Variants in LRP1B observed in about 807,000 individuals in gnomAD.
LRP1B encodes LDL receptor related protein 1B.
LRP1B carries 217 observed loss-of-function variants against 556.6 expected under a neutral mutation model. The ratio of observed to expected loss-of-function variants is 0.39; its 90% confidence interval spans 0.35 to 0.44. LRP1B has a LOEUF of 0.44. Ranked by LOEUF, LRP1B falls within the 20% of genes least tolerant of loss-of-function variation. The pLI, the probability that LRP1B is intolerant of heterozygous loss-of-function variation, is 1.00. For synonymous variants in LRP1B, 2,047 were observed against 1,865.8 expected, an observed-to-expected ratio of 1.10 and a Z score of -2.50; for missense variants, 5,053 against 5,620.8, an observed-to-expected ratio of 0.90 and a Z score of 3.23.
intron 2 of LRP1B, among the ~76,000 whole-genome samples, chr2:141,506,567 T>C (rs1177447583): frequency 1.3e-5 from 2 of 152,066 alleles, no homozygotes; most frequent in Non-Finnish European, 2.9e-5. Context: ...CACTGTTACA[T>C]TACGGGAAGA....
chr2:141,062,718 A>G (rs937657515), intron 7 of LRP1B, among the ~76,000 whole-genome samples: 12 of 151,770 alleles, frequency 7.9e-5, no homozygotes, highest in African/African-American at 2.4e-4. Flanking sequence ...GAGCTCAATG[A>G]CGCTATGAGT....
intron 7 of LRP1B, among the ~76,000 whole-genome samples, chr2:141,128,714 G>A (rs997966108): frequency 3.9e-5 from 6 of 152,162 alleles, no homozygotes; most frequent in African/African-American, 1.4e-4. Flanking sequence ...TCCACCTCCT[G>A]GGTTCAAGCA....
intron 41 of LRP1B, among the ~76,000 whole-genome samples, chr2:140,642,447 G>T (rs1365254866): frequency 6.6e-6 from 1 of 152,102 alleles, no homozygotes; most frequent in Non-Finnish European, 1.5e-5. Context: ...TGGGGTCCTG[G>T]TGTTCATATG....
chr2:141,795,373 T>C (rs1695768719), intron 2 of LRP1B, among the ~76,000 whole-genome samples: 1 of 152,086 alleles, frequency 6.6e-6, no homozygotes, highest in African/African-American at 2.4e-5. Context: ...ATGTTGTGTG[T>C]ACATGCATGT....
intron 17 of LRP1B, among the ~76,000 whole-genome samples, chr2:140,984,242 G>T (rs948410498): frequency 2.6e-5 from 4 of 151,850 alleles, no homozygotes; most frequent in African/African-American, 7.2e-5. Context: ...TTTAATAACA[G>T]AATTTTTTTC....
chr2:141,144,233 G>GATTTC (rs772438584), intron 7 of LRP1B, among the ~76,000 whole-genome samples: 2 of 152,132 alleles, frequency 1.3e-5, no homozygotes, highest in Non-Finnish European at 2.9e-5. Context: ...TTAGATGAAA[G>GATTTC]ATTTCATTTC....
chr2:140,775,029 C>T (rs897466282), intron 33 of LRP1B, among the ~76,000 whole-genome samples: 2 of 152,084 alleles, frequency 1.3e-5, no homozygotes, highest in Admixed American at 1.3e-4. Context: ...GCAATAAATA[C>T]TTCAGATAAA....
At chr2:141,403,447 T>C (rs1690519637) in intron 3 of LRP1B, among the ~76,000 whole-genome samples, 1 of 152,156 alleles carries the variant, frequency 6.6e-6, no homozygotes, top group African/African-American at 2.4e-5. Context: ...ATGTGAACTT[T>C]CTAACCATTC....
intron 66 of LRP1B, among the ~76,000 whole-genome samples, chr2:140,391,975 G>C (rs1270727479): frequency 6.6e-6 from 1 of 152,110 alleles, no homozygotes; most frequent in Non-Finnish European, 1.5e-5. Flanking sequence ...AGACTGTCTG[G>C]ATTCAAGTTG....
At chr2:141,212,133 T>C (rs1682580490) in intron 6 of LRP1B, among the ~76,000 whole-genome samples, 1 of 151,976 alleles carries the variant, frequency 6.6e-6, no homozygotes, top group African/African-American at 2.4e-5. Context: ...TTATAGAAGA[T>C]GTGCTTAGAA....
At chr2:141,997,856 C>G (rs1702543818) in intron 1 of LRP1B, among the ~76,000 whole-genome samples, 1 of 152,052 alleles carries the variant, frequency 6.6e-6, no homozygotes, top group Admixed American at 6.6e-5. Context: ...AAAACAGAGA[C>G]AGTTACAGAC....
chr2:141,405,385 T>C (rs1168873628), intron 3 of LRP1B, among the ~76,000 whole-genome samples: 1 of 152,156 alleles, frequency 6.6e-6, no homozygotes, highest in Non-Finnish European at 1.5e-5. Flanking sequence ...AGTGTTAGAA[T>C]GATTGGTATT....
intron 7 of LRP1B, among the ~76,000 whole-genome samples, chr2:141,139,333 G>C (rs746763257): frequency 2.0e-5 from 3 of 151,572 alleles, no homozygotes; most frequent in Non-Finnish European, 4.4e-5. Flanking sequence ...CAACATCACA[G>C]TCTATAAAAA....
chr2:140,797,552 C>T (rs932337959), intron 32 of LRP1B, among the ~76,000 whole-genome samples: 1 of 151,810 alleles, frequency 6.6e-6, no homozygotes, highest in Non-Finnish European at 1.5e-5. Context: ...TAAAGCAAAA[C>T]ACATGAAGCA....
At chr2:141,313,071 C>T (rs1686872647) in intron 3 of LRP1B, among the ~76,000 whole-genome samples, 1 of 152,132 alleles carries the variant, frequency 6.6e-6, no homozygotes, top group Non-Finnish European at 1.5e-5. Context: ...TAAACACACA[C>T]ATCCTCCCCA....
intron 1 of LRP1B, among the ~76,000 whole-genome samples, chr2:141,983,505 A>C (rs2105099500): frequency 1.3e-5 from 2 of 152,284 alleles, no homozygotes; most frequent in Admixed American, 1.3e-4. Context: ...ACCTATCATA[A>C]CACAATTTAT....
In LRP1B at chr2:141,480,429, G is replaced by A. The variant is rs1198330127; in HGVS notation, c.310C>T (p.Pro104Ser). The change falls in exon 3 of 91, where the codon CCA becomes TCA. Residue 104 changes from proline (P) to serine (S), a missense_variant. Pro to Ser is a moderately conservative substitution (Grantham distance 74). Transcript: ENST00000389484. ...SQLCNGVLDCPDGYDEGVHCQ... is the reference protein window; with the variant it reads ...SQLCNGVLDCSDGYDEGVHCQ... ...TGTACTCCTTCGTCATACCCATCTG[G>A]GCAGTCCAAGACACCATTGCACAGC... The A allele has an allele frequency of 1.2e-6, 2 of 1,613,796 alleles. No homozygotes were observed. The highest frequency in any genetic ancestry group is 1.7e-6 in the Non-Finnish European group (2 of 1,179,890).
intron 25 of LRP1B, among the ~76,000 whole-genome samples, chr2:140,871,982 TTGTATG>T (rs1693143926): frequency 1.3e-5 from 2 of 151,422 alleles, no homozygotes; most frequent in Non-Finnish European, 3.0e-5. Context: ...GTGTGTGTGT[TTGTATG>T]TGTATGTGTC....
intron 1 of LRP1B, among the ~76,000 whole-genome samples, chr2:142,077,105 C>A (rs1300584982): frequency 1.3e-5 from 2 of 152,004 alleles, no homozygotes; most frequent in Admixed American, 6.6e-5. Context: ...AGCATAAAGG[C>A]AAGTTGTAAC....
Sources: allele counts gnomAD v4.1 joint callset (sites outside exome capture counted in the v4.1 genomes callset), GRCh38; gene constraint gnomAD v4.1.1; transcripts MANE v1.5; gene names NCBI Gene and HGNC (gene_info 2026-07-23, HGNC 2026-07-21).